The following DECR1 variants were observed in gnomAD, a reference collection of about 807,000 sequenced individuals.
DECR1 encodes 2,4-dienoyl-CoA reductase [(3E)-enoyl-CoA-producing], mitochondrial.
In DECR1, 44 loss-of-function variants were observed where a neutral mutation model predicts 38.8. That is an observed-to-expected ratio of 1.13 (90% CI 0.89 to 1.46). DECR1 has a LOEUF of 1.46. Among genes scored for constraint, DECR1 ranks in the 40% most tolerant of loss-of-function variants. The pLI is 0.00. For missense variants in DECR1, 428 were observed against 405.5 expected (o/e 1.06, Z -0.48); for synonymous variants, 148 against 135.2 (o/e 1.09, Z -0.66).
At chr8:90,033,061 C>T (rs986756181) in intron 5 of DECR1, among the ~76,000 whole-genome samples, 2 of 152,138 alleles carry the variant, frequency 1.3e-5, no homozygotes, top group African/African-American at 4.8e-5. Context: ...CTCATAGCTA[C>T]ACAGCTAGTA....
chr8:90,041,633 C>T (rs980659994), intron 6 of DECR1, among the ~76,000 whole-genome samples: 1 of 152,102 alleles, frequency 6.6e-6, no homozygotes, highest in African/African-American at 2.4e-5. Context: ...TTGTGCTTTT[C>T]CTGAGCAATT....
rs1302525929 is a variant in DECR1 at position 90,052,275 on chromosome 8, T to C, written c.*378T>C. Among the ~76,000 whole-genome samples the C allele has an allele frequency of 4.6e-5, 7 of 152,084 alleles. No homozygotes were observed. Among genetic ancestry groups the C allele is most frequent in the Admixed American group, 4.6e-4 (7 of 15,256 alleles). On this transcript the variant is annotated 3_prime_UTR_variant, in exon 10 of 10. Transcript: ENST00000220764. ...ATACTATACCTATATTAATAGGGCC[T>C]AAAAGAAAGAAATTAGAGGATACAC...
At chr8:90,005,200 G>A (rs1158268248) in intron 1 of DECR1, 3 of 389,154 alleles carry the variant, frequency 7.7e-6, no homozygotes, top group Non-Finnish European at 1.0e-5. Context: ...AGAGAGAAGC[G>A]TGTGGAGACG....
chr8:90,029,839 C>T (rs541696648), intron 5 of DECR1, among the ~76,000 whole-genome samples: 1 of 152,264 alleles, frequency 6.6e-6, no homozygotes, highest in South Asian at 2.1e-4. Flanking sequence ...GCCCGTTTGA[C>T]TGATCCAGTA....
intron 4 of DECR1, among the ~76,000 whole-genome samples, chr8:90,019,419 C>T (rs1307901573): frequency 6.6e-6 from 1 of 152,154 alleles, no homozygotes; most frequent in Non-Finnish European, 1.5e-5. Flanking sequence ...CAGAGCAGGG[C>T]AACACCATAG....
intron 1 of DECR1, among the ~76,000 whole-genome samples, chr8:90,003,534 A>G (rs929714138): frequency 6.6e-6 from 1 of 152,242 alleles, no homozygotes; most frequent in African/African-American, 2.4e-5. Flanking sequence ...ATGAGGAAAC[A>G]CTAATTAATT....
At chr8:90,045,391 T>TGGCTCAGAGGGTCCCATGCCC (rs1554577147) in intron 8 of DECR1, among the ~76,000 whole-genome samples, 2 of 152,152 alleles carry the variant, frequency 1.3e-5, no homozygotes, top group Non-Finnish European at 2.9e-5. Context: ...ATCCCGCGCA[T>TGGCTCAGAGGGTCCCATGCCC]GGCTCAGAGG....
chr8:90,020,206 G>T (rs1044803520), intron 4 of DECR1, among the ~76,000 whole-genome samples: 14 of 152,306 alleles, frequency 9.2e-5, no homozygotes, highest in Admixed American at 9.1e-4. Context: ...TGAATCTCCT[G>T]TAGAACTAGC....
intron 1 of DECR1, chr8:90,005,681 A>G: frequency 2.9e-6 from 1 of 347,902 alleles, no homozygotes; most frequent in Non-Finnish European, 5.7e-6. Context: ...GTCTCTGCAC[A>G]GACAGATTGT....
At chr8:90,015,787 A>G (rs2130037878) in intron 1 of DECR1, 1 of 343,360 alleles carries the variant, frequency 2.9e-6, no homozygotes, top group East Asian at 7.6e-5. Flanking sequence ...ACAGAGGAAT[A>G]TGCAAGCTGG....
rs144788496 is a variant in DECR1 at position 90,044,862 on chromosome 8, G to A, written c.752G>A (p.Arg251His). ...TTAATTTCTAAGGGTGCCTTTAGCC[G>A]TCTGGACCCAACTGGAACATTTGAG... is the stretch of plus-strand genomic sequence containing the variant. Reference protein sequence around the residue: ...GPIKTKGAFSRLDPTGTFEKE... With the variant: ...GPIKTKGAFSHLDPTGTFEKE... Residue 251 changes from arginine (R) to histidine (H), a missense_variant, in exon 8 of 10, where the codon CGT (arginine) becomes CAT (histidine). Physicochemically the swap from Arg to His is conservative, Grantham distance 29. Transcript: ENST00000220764. 93 of 1,612,650 alleles carry A rather than the reference G, an allele frequency of 5.8e-5. No individual in the cohort carries two copies. Among genetic ancestry groups the A allele is most frequent in the South Asian group, 1.1e-4 (10 of 90,886 alleles).
intron 1 of DECR1, among the ~76,000 whole-genome samples, chr8:90,010,421 T>C (rs780009313): frequency 5.3e-5 from 8 of 152,250 alleles, no homozygotes; most frequent in Non-Finnish European, 8.8e-5. Flanking sequence ...CCACATACAC[T>C]GTGCTGAAGT....
chr8:90,021,115 T>G (rs1813149172), intron 5 of DECR1, 59 bp downstream of exon 5: 2 of 1,408,188 alleles, frequency 1.4e-6, no homozygotes, highest in African/African-American at 2.9e-5. Flanking sequence ...GGTTCTGTGG[T>G]AAGCTCTGTG....
intron 1 of DECR1, among the ~76,000 whole-genome samples, chr8:90,008,867 G>A (rs1812810075): frequency 6.6e-6 from 1 of 152,172 alleles, no homozygotes; most frequent in African/African-American, 2.4e-5. Flanking sequence ...GCTCTTGCAA[G>A]TAGTTTTATT....
At position 90,044,804 on chromosome 8, in the gene DECR1, G is replaced by A. The variant is rs200569349; in HGVS notation, c.739-45G>A. ...TTTTTTCTTGAGTAGGAAAGGAATT[G>A]ATTGAAAAACCCGACACAACCTAAT... On this transcript the variant is annotated intron_variant, in intron 7 of 9. Transcript: ENST00000220764. 4.0e-4 allele frequency: 630 copies of A among 1,570,060 alleles called. 4 individuals are homozygous for A. The highest frequency in any genetic ancestry group is 8.0e-5 in the Non-Finnish European group (92 of 1,157,052).
At chr8:90,026,381 A>G (rs1433528437) in intron 5 of DECR1, among the ~76,000 whole-genome samples, 1 of 152,080 alleles carries the variant, frequency 6.6e-6, no homozygotes, top group Non-Finnish European at 1.5e-5. Flanking sequence ...TAGGCTTTTA[A>G]TTATTGCCTC....
chr8:90,025,328 AT>A (rs1419767441), intron 5 of DECR1, among the ~76,000 whole-genome samples: 2 of 152,108 alleles, frequency 1.3e-5, no homozygotes, highest in Non-Finnish European at 2.9e-5. Flanking sequence ...GGCCATTTTC[AT>A]GATATTGATT....
At chr8:90,029,715 C>G (rs1318512822) in intron 5 of DECR1, among the ~76,000 whole-genome samples, 1 of 152,148 alleles carries the variant, frequency 6.6e-6, no homozygotes, top group Non-Finnish European at 1.5e-5. Flanking sequence ...ACCGTAAACA[C>G]AAGAATAAAT....
At chr8:90,019,345 C>T (rs556064586) in intron 4 of DECR1, among the ~76,000 whole-genome samples, 173 bp downstream of exon 4, 85 of 152,260 alleles carry the variant, frequency 5.6e-4, no homozygotes, top group Non-Finnish European at 5.0e-4. Flanking sequence ...AAGGATGAGC[C>T]GGTGGTAGAA....
Sources: allele counts gnomAD v4.1 joint callset (sites outside exome capture counted in the v4.1 genomes callset), GRCh38; gene constraint gnomAD v4.1.1; transcripts MANE v1.5; gene names NCBI Gene and HGNC (gene_info 2026-07-23, HGNC 2026-07-21).